Variants in TP63 observed in about 807,000 individuals in gnomAD.
TP63 encodes tumor protein 63.
Under a neutral mutation model 82.8 loss-of-function variants are expected in TP63, and 17 were observed. The ratio of observed to expected loss-of-function variants is 0.21; its 90% CI spans 0.14 to 0.31. The LOEUF (loss-of-function observed/expected upper bound fraction) is 0.31. Among genes scored for constraint, TP63 ranks in the 10% least tolerant of loss-of-function variants. The pLI is 1.00. For missense variants in TP63, 648 were observed against 895.3 expected (o/e 0.72, Z 3.52); for synonymous variants, 330 against 321.7 (o/e 1.03, Z -0.28).
chr3:189,812,637 A>G (rs1414073820), intron 4 of TP63, among the ~76,000 whole-genome samples: 1 of 152,124 alleles, frequency 6.6e-6, no homozygotes. Context: ...CACTTTTCTC[A>G]CCTACAAATG....
rs1560279009 is a variant in TP63 at position 189,867,769 on chromosome 3, A to AGTTGTTCCTC, written c.883-64_883-63insGTTGTTCCTC. Reference sequence around the variant, plus strand: ...TGGAATTCCTTAAATAGAGGGAAGAACTGAGAAGGAACAACGTCAGTTTAA... The same window carrying AGTTGTTCCTC: ...TGGAATTCCTTAAATAGAGGGAAGAAGTTGTTCCTCCTGAGAAGGAACAACGTCAGTTTAA... On this transcript the variant is annotated intron_variant, in intron 6 of 13. Transcript: ENST00000264731. 6.6e-5 allele frequency: 94 copies of AGTTGTTCCTC among 1,421,608 alleles called. No individual in the cohort carries two copies. The African/African-American group carries it at 1.2e-3, about 19-fold the overall frequency. The allele number at this position is 1,421,608 out of a possible 1,614,324, so 88.1% of individuals were successfully genotyped here. A position where few individuals can be genotyped will look rare whatever the true frequency, so the allele number is the denominator to read the frequency against.
At position 189,680,378 on chromosome 3, in the gene TP63, C is replaced by A. The variant is rs145361937; in HGVS notation, c.62+48801C>A. ...TTTAAATAATTAAATAATTAATGCC[C>A]ATCCTTTTCAGACTCTTCCAAAAAA... On this transcript the variant is annotated intron_variant, in intron 1 of 13. Coordinates refer to ENST00000264731, the MANE Select transcript of TP63 (RefSeq NM_003722.5). Among the ~76,000 whole-genome samples the A allele has an allele frequency of 3.6e-3, 554 of 152,006 alleles. 1 individual carries two copies. The highest frequency in any genetic ancestry group is 6.3e-3 in the Non-Finnish European group (425 of 67,986).
chr3:189,761,961 T>C (rs1722617953), intron 3 of TP63, among the ~76,000 whole-genome samples: 1 of 152,086 alleles, frequency 6.6e-6, no homozygotes, highest in Non-Finnish European at 1.5e-5. Flanking sequence ...GAGAACAGCA[T>C]GGGAAAGACC....
chr3:189,647,459 A>T (rs1226523764), intron 1 of TP63, among the ~76,000 whole-genome samples: 1 of 146,910 alleles, frequency 6.8e-6, no homozygotes, highest in Non-Finnish European at 1.5e-5. Flanking sequence ...TACCTCTAAG[A>T]TGGTCCAACT....
Position 189,808,403 on chromosome 3 carries a change from C to G in TP63, c.456C>G (p.Pro152=), listed in dbSNP as rs774177255. The part of the protein sequence containing the change: ...SVTAPSPYAQ[P]SSTFDALSPS... Reference sequence around the variant, plus strand: ...CGGCGCCCTCGCCCTACGCACAGCCCAGCTCCACCTTCGATGCTCTCTCTC... The same window carrying G: ...CGGCGCCCTCGCCCTACGCACAGCCGAGCTCCACCTTCGATGCTCTCTCTC... Residue 152 remains proline (P), a synonymous_variant, in exon 4 of 14, where the codon CCC becomes CCG. Transcript: ENST00000264731. The G allele has an allele frequency of 6.2e-7, 1 of 1,614,116 alleles. No individual in the cohort carries two copies. The highest frequency in any genetic ancestry group is 1.3e-5 in the African/African-American group (1 of 74,936).
At chr3:189,838,938 T>C (rs750104719) in intron 4 of TP63, among the ~76,000 whole-genome samples, 5 of 150,622 alleles carry the variant, frequency 3.3e-5, no homozygotes, top group Non-Finnish European at 7.4e-5. Context: ...ACTTGAAACC[T>C]TGGGGACAGC....
At chr3:189,769,410 G>A (rs1017455657) in intron 3 of TP63, among the ~76,000 whole-genome samples, 1 of 152,080 alleles carries the variant, frequency 6.6e-6, no homozygotes, top group African/African-American at 2.4e-5. Context: ...AGATGTTCCT[G>A]TTTATGTGTA....
At chr3:189,770,090 G>A (rs1038947013) in intron 3 of TP63, among the ~76,000 whole-genome samples, 11 of 152,128 alleles carry the variant, frequency 7.2e-5, no homozygotes, top group African/African-American at 1.9e-4. Flanking sequence ...GGTTTGAGGC[G>A]GTAGTAGCCT....
intron 4 of TP63, among the ~76,000 whole-genome samples, chr3:189,840,488 GAGAC>G (rs1045198394): frequency 1.0e-4 from 14 of 139,856 alleles, no homozygotes; most frequent in African/African-American, 3.8e-4. Flanking sequence ...GTTTATGAGA[GAGAC>G]AGAGAGAGAG....
In TP63 at chr3:189,687,602, G is replaced by A. The variant is rs185618928; in HGVS notation, c.63-50138G>A. On this transcript the variant is annotated intron_variant, in intron 1 of 13. Coordinates refer to ENST00000264731, the MANE Select transcript of TP63 (RefSeq NM_003722.5). ...CTGCTACAAAAAACAGTGAGACTCC[G>A]AATTATCTAGGTTACTTAAAGAATA... Among the ~76,000 whole-genome samples the A allele has an allele frequency of 4.0e-3, 614 of 152,200 alleles. 5 individuals carry two copies. The highest frequency in any genetic ancestry group is 7.2e-3 in the Admixed American group (110 of 15,284).
chr3:189,844,154 A>G (rs544497225), intron 4 of TP63: 3 of 364,892 alleles, frequency 8.2e-6, no homozygotes, highest in Non-Finnish European at 1.6e-5. Flanking sequence ...AGCCATTGAA[A>G]TGAACACTTT....
intron 4 of TP63, among the ~76,000 whole-genome samples, chr3:189,809,004 G>A (rs1355747332): frequency 1.3e-5 from 2 of 151,970 alleles, no homozygotes; most frequent in African/African-American, 4.8e-5. Context: ...TATGAAGGAA[G>A]GATGAATATG....
chr3:189,864,124 C>G, intron 4 of TP63, 108 bp from the exon 5 acceptor site: 2 of 1,391,266 alleles, frequency 1.4e-6, no homozygotes, highest in Non-Finnish European at 2.0e-6. Flanking sequence ...AAACAGGCAG[C>G]ATGCAGCTCT....
chr3:189,758,896 T>C (rs1722372822), intron 3 of TP63, among the ~76,000 whole-genome samples: 1 of 152,212 alleles, frequency 6.6e-6, no homozygotes, highest in Admixed American at 6.5e-5. Flanking sequence ...CCAGACAGAC[T>C]TCTTATGAAA....
chr3:189,813,819 A>G (rs1727858980), intron 4 of TP63, among the ~76,000 whole-genome samples: 1 of 152,198 alleles, frequency 6.6e-6, no homozygotes, highest in African/African-American at 2.4e-5. Context: ...ATTAAAGGAA[A>G]CAATTGTAGT....
the TP63 span, among the ~76,000 whole-genome samples, chr3:189,603,463 T>G: frequency 6.6e-6 from 1 of 151,980 alleles, no homozygotes; most frequent in Admixed American, 6.6e-5. Flanking sequence ...TTAGTGTTAA[T>G]AAGAGCATGG....
At chr3:189,773,746 T>C (rs929761963) in intron 3 of TP63, among the ~76,000 whole-genome samples, 1 of 152,022 alleles carries the variant, frequency 6.6e-6, no homozygotes, top group Non-Finnish European at 1.5e-5. Context: ...GTTTATGTCA[T>C]GTGAGGGTAT....
intron 1 of TP63, among the ~76,000 whole-genome samples, chr3:189,653,800 A>G (rs186966420): frequency 2.0e-5 from 3 of 152,308 alleles, no homozygotes. Flanking sequence ...CACAAACCAT[A>G]TTTAACTTAT....
intron 4 of TP63, among the ~76,000 whole-genome samples, chr3:189,848,144 A>G (rs1715125430): frequency 6.6e-6 from 1 of 152,114 alleles, no homozygotes; most frequent in African/African-American, 2.4e-5. Flanking sequence ...ATCGGCGAAT[A>G]AAGTGGCTGA....
Sources: gnomAD v4.1 joint callset for allele counts (sites outside exome capture counted in the v4.1 genomes callset) on GRCh38, gnomAD v4.1.1 for gene constraint, MANE v1.5 for transcripts, NCBI Gene and HGNC (gene_info 2026-07-23, HGNC 2026-07-21) for gene names.